Variants in NDST3 observed in about 807,000 individuals in gnomAD.
NDST3 encodes the protein bifunctional heparan sulfate N-deacetylase/N-sulfotransferase 3.
A neutral mutation model predicts 96.1 loss-of-function variants in NDST3; 58 were observed. The observed-to-expected ratio is 0.60, with a 90% CI of 0.49 to 0.75. The LOEUF is 0.75. Among genes scored for constraint, NDST3 ranks in the 30% least tolerant of loss-of-function variants. The pLI is 0.00. For missense variants in NDST3, 788 were observed against 1,034.2 expected (o/e 0.76, Z 3.27); for synonymous variants, 333 against 359.7 (o/e 0.93, Z 0.84).
rs1362312365 is a variant in NDST3, at chr4:118,041,739, C to T, written c.-156+7147C>T. ...TATGTATTTTTGTGCAAGCATTTCA[C>T]GAACATATTCATCACTATACTGAAA... is the stretch of plus-strand genomic sequence containing the variant. On this transcript the variant is annotated intron_variant, in intron 1 of 13. Transcript: ENST00000296499. 4.6e-5 allele frequency among the ~76,000 whole-genome samples: 7 copies of T among 152,126 alleles called. No homozygotes were observed. The South Asian group carries it at 8.3e-4, about 18-fold the overall frequency.
intron 5 of NDST3, among the ~76,000 whole-genome samples, chr4:118,143,190 T>A (rs1167559004): frequency 6.6e-6 from 1 of 152,214 alleles, no homozygotes; most frequent in Non-Finnish European, 1.5e-5. Context: ...AAGATTACAG[T>A]ATAGCACAGA....
chr4:118,055,687 T>C (rs1483021830), intron 2 of NDST3: 1 of 152,016 alleles, frequency 6.6e-6, no homozygotes, highest in Non-Finnish European at 1.5e-5. Context: ...CGAAATGTCA[T>C]AGGATTCTAT....
intron 6 of NDST3, among the ~76,000 whole-genome samples, chr4:118,218,696 A>G (rs928009282): frequency 1.4e-4 from 21 of 152,272 alleles, no homozygotes; most frequent in African/African-American, 4.8e-4. Flanking sequence ...GCCCAAGGCA[A>G]TCAGCCAATA....
chr4:118,200,887 C>A (rs183649917), intron 6 of NDST3, among the ~76,000 whole-genome samples: 1 of 152,066 alleles, frequency 6.6e-6, no homozygotes, highest in Non-Finnish European at 1.5e-5. Context: ...GGTTCCCTCA[C>A]CCTGGTAGTA....
At chr4:118,068,013 GTAAT>G (rs1726737607) in intron 2 of NDST3, among the ~76,000 whole-genome samples, 2 of 152,080 alleles carry the variant, frequency 1.3e-5, no homozygotes, top group South Asian at 4.2e-4. Context: ...GTCTATGAGA[GTAAT>G]TAATTATCTT....
chr4:118,223,072 A>T (rs1352952232), intron 6 of NDST3, among the ~76,000 whole-genome samples: 1 of 151,996 alleles, frequency 6.6e-6, no homozygotes, highest in Non-Finnish European at 1.5e-5. Flanking sequence ...AATTGTATTT[A>T]AAAAAATTTT....
At chr4:118,177,409 G>GT (rs1161267263) in intron 6 of NDST3, among the ~76,000 whole-genome samples, 1 of 151,998 alleles carries the variant, frequency 6.6e-6, no homozygotes, top group Non-Finnish European at 1.5e-5. Flanking sequence ...CTTCTACCAA[G>GT]TTTTTTCTTG....
chr4:118,163,085 C>A (rs1352802778), intron 6 of NDST3, among the ~76,000 whole-genome samples: 9 of 152,106 alleles, frequency 5.9e-5, no homozygotes, highest in African/African-American at 1.4e-4. Context: ...GGCAGTCATT[C>A]AAAAGTCAGG....
In NDST3 at chr4:118,052,868, C is replaced by G. The variant is rs371711787; in HGVS notation, c.-155-888C>G. ...AAAGTTACTAAATTTTCAAAGGTTA[C>G]TAAGACTTGAAAGGGATTTCAAATT... On this transcript the variant is annotated intron_variant, in intron 1 of 13. Transcript: ENST00000296499. Among the ~76,000 whole-genome samples, 22 of 152,092 alleles carry G rather than the reference C, an allele frequency of 1.4e-4. No individual in the cohort carries two copies. The East Asian group carries it at 2.9e-3, about 20-fold the overall frequency.
chr4:118,112,505 A>G (rs984500333), intron 3 of NDST3, among the ~76,000 whole-genome samples: 2 of 152,208 alleles, frequency 1.3e-5, no homozygotes, highest in African/African-American at 4.8e-5. Flanking sequence ...CCTGCTCTCA[A>G]TGTGAGAAAA....
At position 118,054,695 on chromosome 4, in the gene NDST3, G is replaced by A; in HGVS notation, c.785G>A (p.Gly262Glu). Residue 262 changes from glycine to glutamate, a missense_variant, in exon 2 of 14, where the codon GGG becomes GAG. Gly to Glu is a moderately conservative substitution (Grantham distance 98). This residue lies in a region of NDST3 where 490 missense variants were observed against 708.8 expected (regional missense o/e 0.69). Coordinates refer to ENST00000296499, the MANE Select transcript of NDST3 (RefSeq NM_004784.3). The stretch of plus-strand genomic sequence containing the variant: ...TATGCCACTATTATACATGACCTGG[G>A]GCTTCATGATGGAATTCAAAGGGTT... ...AFYATIIHDL[G>E]LHDGIQRVLF... is the part of the protein sequence containing the mutation. The A allele has an allele frequency of 6.2e-7, 1 of 1,613,256 alleles. No homozygotes were observed. The highest frequency in any genetic ancestry group is 8.5e-7 in the Non-Finnish European group (1 of 1,179,478).
intron 4 of NDST3, among the ~76,000 whole-genome samples, chr4:118,116,194 T>C (rs1002946782): frequency 2.0e-5 from 3 of 152,162 alleles, no homozygotes; most frequent in African/African-American, 7.2e-5. Context: ...ATCTAGACTG[T>C]TGATATTGAC....
chr4:118,083,391 A>C (rs1051741232), intron 2 of NDST3, among the ~76,000 whole-genome samples: 1 of 152,192 alleles, frequency 6.6e-6, no homozygotes. Flanking sequence ...AATTCGATTT[A>C]TTATTGAGTA....
At position 118,227,008 on chromosome 4, in the gene NDST3, ACGAGTGTAAATTTT is replaced by A. The variant is rs747935352; in HGVS notation, c.1819+28_1819+41del. The A allele has an allele frequency of 2.7e-6, 4 of 1,493,960 alleles. No homozygotes were observed. In the South Asian group the frequency reaches 4.6e-5, roughly 17 times the overall value. 92.5% of individuals were successfully genotyped at this position (1,493,960 alleles called of 1,614,324 possible). ...GTGAGAACTTTTTATGTTATGATTA[ACGAGTGTAAATTTT>A]CTGATGACTAGACAATGAGATCTTG... On this transcript the variant is annotated intron_variant, in intron 8 of 13. Transcript: ENST00000296499.
chr4:118,194,353 A>G (rs1431497545), intron 6 of NDST3: 1 of 730,364 alleles, frequency 1.4e-6, no homozygotes, highest in African/African-American at 1.7e-5. Context: ...TTAAACTCAA[A>G]CAACTCCACC....
intron 6 of NDST3, among the ~76,000 whole-genome samples, chr4:118,205,743 A>G (rs899759125): frequency 6.9e-6 from 1 of 144,276 alleles, no homozygotes; most frequent in African/African-American, 2.6e-5. Flanking sequence ...TCTGACTGTA[A>G]AGTGGAGATG....
At chr4:118,095,836 T>C (rs1361851346) in intron 2 of NDST3, among the ~76,000 whole-genome samples, 1 of 151,970 alleles carries the variant, frequency 6.6e-6, no homozygotes, top group African/African-American at 2.4e-5. Context: ...TGGCCATATA[T>C]GTCTGGCTTC....
intron 6 of NDST3, among the ~76,000 whole-genome samples, chr4:118,203,141 C>A (rs984654856): frequency 6.6e-5 from 10 of 152,132 alleles, no homozygotes; most frequent in Non-Finnish European, 1.5e-4. Context: ...GTTGAACCAG[C>A]CTTGCATTCC....
At chr4:118,129,447 A>T (rs1452999677) in intron 4 of NDST3, among the ~76,000 whole-genome samples, 1 of 151,924 alleles carries the variant, frequency 6.6e-6, no homozygotes, top group Non-Finnish European at 1.5e-5. Flanking sequence ...TCATTGACCC[A>T]CTGATCATTC....
Sources: gnomAD v4.1 joint callset for allele counts (sites outside exome capture counted in the v4.1 genomes callset) on GRCh38, gnomAD v4.1.1 for gene constraint, gnomAD v4.1.1 regional missense constraint, MANE v1.5 for transcripts, NCBI Gene and HGNC (gene_info 2026-07-23, HGNC 2026-07-21) for gene names.